DLC1: variants seen among roughly 807,000 people sequenced by gnomAD.
The protein encoded by DLC1 is DLC1 Rho GTPase activating protein.
DLC1 carries 54 observed loss-of-function variants against 140.3 expected under a neutral mutation model. The observed-to-expected ratio is 0.38, with a 90% CI of 0.31 to 0.48. The LOEUF is 0.48. DLC1 is among the 20% of genes least tolerant of loss of function. The probability of loss-of-function intolerance (pLI) is 0.96; values close to 1 mark genes in which losing one functional copy is unlikely to be tolerated. For synonymous variants in DLC1, 986 were observed against 728.1 expected (o/e 1.35, Z -5.70); for missense variants, 2,536 against 1,907.0 (o/e 1.33, Z -6.14).
At chr8:13,521,436 G>A (rs1051611061) in intron 1 of DLC1, among the ~76,000 whole-genome samples, 2 of 151,846 alleles carry the variant, frequency 1.3e-5, no homozygotes, top group Non-Finnish European at 2.9e-5. Context: ...CCTTGCCATG[G>A]TTGGCTTAGA....
chr8:13,552,060 T>A (rs940044638), intron 1 of DLC1, among the ~76,000 whole-genome samples: 1 of 141,778 alleles, frequency 7.1e-6, no homozygotes, highest in Non-Finnish European at 1.5e-5. Flanking sequence ...TATACACATA[T>A]ATATATATAC....
intron 5 of DLC1, among the ~76,000 whole-genome samples, chr8:13,222,565 C>T (rs998453057): frequency 4.6e-5 from 7 of 152,134 alleles, no homozygotes; most frequent in African/African-American, 1.4e-4. Flanking sequence ...TCAAAACTGT[C>T]TCCCAAATCT....
chr8:13,536,779 A>G (rs1050689207), intron 1 of DLC1, among the ~76,000 whole-genome samples: 28 of 152,180 alleles, frequency 1.8e-4, no homozygotes, highest in Non-Finnish European at 3.5e-4. Context: ...TCCACATGAC[A>G]TGTTGAAATA....
At chr8:13,127,374 G>T (rs751489523) in intron 5 of DLC1, among the ~76,000 whole-genome samples, 19 of 152,176 alleles carry the variant, frequency 1.2e-4, no homozygotes, top group Non-Finnish European at 2.9e-5. Flanking sequence ...CCCCTCAGTC[G>T]GGAAAAGGCA....
chr8:13,111,838 A>T (rs1202708225), intron 6 of DLC1, among the ~76,000 whole-genome samples: 1 of 152,074 alleles, frequency 6.6e-6, no homozygotes, highest in African/African-American at 2.4e-5. Context: ...AACTAGAATC[A>T]CCACAAGCTA....
At chr8:13,480,308 A>C (rs539782988) in intron 2 of DLC1, among the ~76,000 whole-genome samples, 1 of 152,348 alleles carries the variant, frequency 6.6e-6, no homozygotes, top group East Asian at 1.9e-4. Flanking sequence ...GGAGATATGT[A>C]AACCAGAAAA....
chr8:13,281,589 G>A (rs1414674239), intron 5 of DLC1, among the ~76,000 whole-genome samples: 1 of 152,128 alleles, frequency 6.6e-6, no homozygotes, highest in East Asian at 1.9e-4. Flanking sequence ...GGGGTTCTAT[G>A]CTTAGAAAGC....
At chr8:13,352,999 A>AT (rs745351611) in intron 4 of DLC1, among the ~76,000 whole-genome samples, 1 of 152,134 alleles carries the variant, frequency 6.6e-6, no homozygotes, top group Non-Finnish European at 1.5e-5. Context: ...CCATAAATCA[A>AT]TTTTTTATGA....
At chr8:13,545,429 T>C (rs1354163726) in intron 1 of DLC1, among the ~76,000 whole-genome samples, 1 of 152,040 alleles carries the variant, frequency 6.6e-6, no homozygotes, top group Non-Finnish European at 1.5e-5. Context: ...AAGTCATCTT[T>C]GCCGGCCAAT....
At chr8:13,325,401 A>G (rs1372951313) in intron 4 of DLC1, among the ~76,000 whole-genome samples, 1 of 152,200 alleles carries the variant, frequency 6.6e-6, no homozygotes, top group African/African-American at 2.4e-5. Context: ...GCACAACACT[A>G]CAACACTTTC....
At chr8:13,465,288 G>T (rs1002658133) in intron 2 of DLC1, among the ~76,000 whole-genome samples, 1 of 152,128 alleles carries the variant, frequency 6.6e-6, no homozygotes, top group African/African-American at 2.4e-5. Flanking sequence ...AATTTTTGGA[G>T]TATGTGAATG....
At chr8:13,480,169 C>T (rs1800656949) in intron 2 of DLC1, among the ~76,000 whole-genome samples, 1 of 152,084 alleles carries the variant, frequency 6.6e-6, no homozygotes, top group Admixed American at 6.6e-5. Context: ...GAAATATCAT[C>T]CAGTTTCTCA....
intron 5 of DLC1, among the ~76,000 whole-genome samples, chr8:13,248,487 C>G (rs1158142167): frequency 6.6e-6 from 1 of 152,106 alleles, no homozygotes; most frequent in Non-Finnish European, 1.5e-5. Context: ...AATCCAATCC[C>G]CAGTTACTCC....
chr8:13,398,469 TAAATC>T (rs1837150432), intron 3 of DLC1, among the ~76,000 whole-genome samples: 2 of 151,640 alleles, frequency 1.3e-5, no homozygotes. Flanking sequence ...AGCCAATAAT[TAAATC>T]AAGAAAGAGG....
chr8:13,229,064 C>A (rs1474956845), intron 5 of DLC1, among the ~76,000 whole-genome samples: 3 of 152,174 alleles, frequency 2.0e-5, no homozygotes, highest in African/African-American at 7.2e-5. Flanking sequence ...TGTGACCCAG[C>A]AATCCACTTC....
chr8:13,111,085 T>A, intron 6 of DLC1, among the ~76,000 whole-genome samples: 1 of 152,232 alleles, frequency 6.6e-6, no homozygotes, highest in East Asian at 1.9e-4. Context: ...CAGAACATTG[T>A]TATATGTTTA....
intron 3 of DLC1, 136 bp downstream of exon 3, chr8:13,401,334 G>A (rs1837286439): frequency 1.4e-5 from 15 of 1,109,652 alleles, no homozygotes; most frequent in Admixed American, 6.4e-5. Context: ...AAGTATTTTG[G>A]TTATCTTTAT....
Position 13,086,361 on chromosome 8 carries a change from C to G in DLC1, c.4395G>C (p.Leu1465Phe). 2.5e-6 allele frequency: 4 copies of G among 1,614,212 alleles called. No individual in the cohort carries two copies. Reference protein sequence around the residue: ...PVVGVRVNVLLSRYLIEPCGP... With the variant: ...PVVGVRVNVLFSRYLIEPCGP... ...CACAGGGTTCAATCAAATACCTGGA[C>G]AAGAGCACATTAACCCTCACACCCA... is the stretch of plus-strand genomic sequence containing the variant. Residue 1465 changes from leucine to phenylalanine, a missense_variant, in exon 17 of 18, where the codon TTG becomes TTC. Transcript: ENST00000276297.
At chr8:13,157,427 G>C (rs1332848450) in intron 5 of DLC1, among the ~76,000 whole-genome samples, 1 of 152,148 alleles carries the variant, frequency 6.6e-6, no homozygotes, top group Non-Finnish European at 1.5e-5. Flanking sequence ...CTAATGCATA[G>C]CTTCAGAGGG....
Sources: gnomAD v4.1 joint callset for allele counts (sites outside exome capture counted in the v4.1 genomes callset) on GRCh38, gnomAD v4.1.1 for gene constraint, MANE v1.5 for transcripts, NCBI Gene and HGNC (gene_info 2026-07-23, HGNC 2026-07-21) for gene names.